Variants in TENM2 observed in about 807,000 individuals in gnomAD.
TENM2 encodes teneurin-2.
In TENM2, 52 loss-of-function variants were observed where a neutral mutation model predicts 245.2. The observed-to-expected ratio is 0.21, with a 90% CI of 0.17 to 0.27. The LOEUF (loss-of-function observed/expected upper bound fraction) is 0.27, where lower values mean the gene tolerates loss of function less well. Among genes scored for constraint, TENM2 ranks in the 10% least tolerant of loss-of-function variants. TENM2 has a pLI of 1.00. For missense variants in TENM2, 3,046 were observed against 3,666.8 expected (o/e 0.83, Z 4.37); for synonymous variants, 1,363 against 1,438.9 (o/e 0.95, Z 1.19).
intron 2 of TENM2, among the ~76,000 whole-genome samples, chr5:167,449,513 TA>T (rs1765435298): frequency 5.5e-4 from 1 of 1,818 alleles, no homozygotes; most frequent in Non-Finnish European, 1.4e-3. Flanking sequence ...GATATGCAGA[TA>T]GATAGATAGA....
the TENM2 span, among the ~76,000 whole-genome samples, chr5:167,081,715 A>C: frequency 6.6e-6 from 1 of 152,198 alleles, no homozygotes; most frequent in African/African-American, 2.4e-5. Flanking sequence ...GCCACTTCAA[A>C]ACATTGACCA....
chr5:167,410,603 C>A (rs1762856611), intron 2 of TENM2, among the ~76,000 whole-genome samples: 1 of 151,966 alleles, frequency 6.6e-6, no homozygotes, highest in Non-Finnish European at 1.5e-5. Flanking sequence ...CAGATATTCT[C>A]CCCATAAAGT....
the TENM2 span, among the ~76,000 whole-genome samples, chr5:167,136,130 T>A: frequency 6.6e-6 from 1 of 152,224 alleles, no homozygotes; most frequent in Non-Finnish European, 1.5e-5. Flanking sequence ...CATAGCCAAG[T>A]CTTTTGTAAA....
chr5:167,816,294 A>G (rs1461620610), intron 2 of TENM2, among the ~76,000 whole-genome samples: 1 of 152,158 alleles, frequency 6.6e-6, no homozygotes, highest in Non-Finnish European at 1.5e-5. Flanking sequence ...GCCAACCACA[A>G]CTTAGAATCA....
At position 167,985,590 on chromosome 5, in the gene TENM2, G is replaced by C. The variant is rs376504418; in HGVS notation, c.948-7354G>C. The stretch of plus-strand genomic sequence containing the variant: ...CTGTGATGAGATTGTGGGATACGGG[G>C]TGAGAGAGAGAGAGGAAGAGAGAAA... On this transcript the variant is annotated intron_variant, in intron 4 of 28. Coordinates refer to ENST00000518659, the Ensembl canonical transcript of TENM2. 2.0e-4 allele frequency among the ~76,000 whole-genome samples: 30 copies of C among 152,334 alleles called. No homozygotes were observed. In the South Asian group the frequency reaches 6.0e-3, roughly 30 times the overall value.
At chr5:167,120,451 G>A in the TENM2 span, among the ~76,000 whole-genome samples, 5 of 152,218 alleles carry the variant, frequency 3.3e-5, no homozygotes, top group African/African-American at 1.2e-4. Flanking sequence ...AATCACAAAA[G>A]TGAAGCTTGC....
At chr5:167,810,374 A>G (rs940241713) in intron 2 of TENM2, among the ~76,000 whole-genome samples, 6 of 152,028 alleles carry the variant, frequency 3.9e-5, no homozygotes, top group African/African-American at 7.2e-5. Context: ...AAAGCTTCCA[A>G]TTGTCACTGT....
intron 1 of TENM2, among the ~76,000 whole-genome samples, chr5:167,359,791 C>A (rs1462301876): frequency 1.3e-5 from 2 of 152,022 alleles, no homozygotes; most frequent in African/African-American, 2.4e-5. Flanking sequence ...ATATGACTAG[C>A]CAGTTATCCC....
intron 2 of TENM2, among the ~76,000 whole-genome samples, chr5:167,780,196 C>T (rs527747344): frequency 6.6e-6 from 1 of 152,204 alleles, no homozygotes; most frequent in Non-Finnish European, 1.5e-5. Context: ...CTATTTGATC[C>T]TAGCATGTCT....
intron 2 of TENM2, among the ~76,000 whole-genome samples, chr5:167,863,458 TACACACACACACACAC>T (rs35475369): frequency 1.4e-5 from 2 of 143,232 alleles, no homozygotes; most frequent in Admixed American, 1.4e-4. Flanking sequence ...CTACTAAAAA[TACACACACACACACAC>T]ACACACACAC....
intron 2 of TENM2, among the ~76,000 whole-genome samples, chr5:167,603,446 G>C (rs1355242313): frequency 2.0e-5 from 3 of 152,172 alleles, no homozygotes; most frequent in African/African-American, 7.2e-5. Flanking sequence ...ATTTCGAAAG[G>C]CCGAGGTGGG....
At chr5:167,572,775 C>T (rs1487160212) in intron 2 of TENM2, among the ~76,000 whole-genome samples, 1 of 152,084 alleles carries the variant, frequency 6.6e-6, no homozygotes, top group Non-Finnish European at 1.5e-5. Flanking sequence ...AAAAATGGAA[C>T]CTTCTTTAAA....
intron 2 of TENM2, among the ~76,000 whole-genome samples, chr5:167,440,714 C>T (rs1046609001): frequency 5.9e-5 from 9 of 152,098 alleles, no homozygotes; most frequent in Admixed American, 5.2e-4. Context: ...CCCAGTCTCC[C>T]CCCATCCTCT....
At chr5:167,203,400 C>T in the TENM2 span, among the ~76,000 whole-genome samples, 1,645 of 152,324 alleles carry the variant, frequency 0.011, 17 homozygotes, top group Middle Eastern at 0.037. Flanking sequence ...AATCCCCTTC[C>T]TTCTTTCTAT....
chr5:167,367,911 A>T (rs974391612), intron 1 of TENM2, among the ~76,000 whole-genome samples: 2 of 152,160 alleles, frequency 1.3e-5, no homozygotes, highest in Non-Finnish European at 2.9e-5. Context: ...GATAAAAAGT[A>T]CTATAACGTT....
At chr5:167,218,468 T>C in the TENM2 span, among the ~76,000 whole-genome samples, 2 of 152,162 alleles carry the variant, frequency 1.3e-5, no homozygotes, top group African/African-American at 2.4e-5. Context: ...TCTCCAAACA[T>C]TGTATTTTAA....
At chr5:167,778,653 G>T (rs1034457965) in intron 2 of TENM2, among the ~76,000 whole-genome samples, 2 of 152,064 alleles carry the variant, frequency 1.3e-5, no homozygotes, top group Admixed American at 6.6e-5. Context: ...TTTTTCCCTA[G>T]GAATAAGCAC....
intron 3 of TENM2, among the ~76,000 whole-genome samples, chr5:167,877,341 C>T (rs1773512010): frequency 6.6e-6 from 1 of 152,216 alleles, no homozygotes; most frequent in Non-Finnish European, 1.5e-5. Context: ...CTTAGGATGG[C>T]CCATGCCCTT....
intron 3 of TENM2, among the ~76,000 whole-genome samples, chr5:167,927,678 T>C (rs1455011547): frequency 1.3e-5 from 2 of 152,170 alleles, no homozygotes; most frequent in Non-Finnish European, 1.5e-5. Context: ...TTTTGTTTCT[T>C]TATTTAAATC....
Sources: allele counts gnomAD v4.1 joint callset (sites outside exome capture counted in the v4.1 genomes callset), GRCh38; gene constraint gnomAD v4.1.1; transcripts MANE v1.5; gene names NCBI Gene and HGNC (gene_info 2026-07-23, HGNC 2026-07-21).